DSC2: variants seen among roughly 807,000 people sequenced by gnomAD.
DSC2 encodes the protein desmocollin-2.
A neutral mutation model predicts 87.6 loss-of-function variants in DSC2; 51 were observed. That is an observed-to-expected ratio of 0.58 (90% CI 0.46 to 0.74). DSC2 has a LOEUF of 0.74. DSC2 is among the 30% of genes least tolerant of loss of function. The pLI is 0.00. For missense variants in DSC2, 1,066 were observed against 1,089.5 expected, an observed-to-expected ratio of 0.98 and a Z score of 0.30; for synonymous variants, 383 against 393.2, an observed-to-expected ratio of 0.97 and a Z score of 0.31.
rs1986501480 is a variant in DSC2 at position 31,061,545 on chromosome 18, A to G, written c.*6470T>C. On this transcript the variant is annotated 3_prime_UTR_variant, in exon 16 of 16. Coordinates refer to ENST00000280904, the MANE Select transcript of DSC2 (RefSeq NM_024422.6). Reference sequence around the variant, plus strand: ...ATGCTCCAAATCCATGACACAGTAAAATTCCTCTATAAAACAAGATTTAGG... The same window carrying G: ...ATGCTCCAAATCCATGACACAGTAAGATTCCTCTATAAAACAAGATTTAGG... 1.3e-5 allele frequency: 2 copies of G among 152,132 alleles called. No homozygotes were observed. Among genetic ancestry groups the G allele is most frequent in the Admixed American group, 1.3e-4 (2 of 15,278 alleles). The allele number at this position is 152,132 out of a possible 1,614,324, so 9.4% of individuals were successfully genotyped here. A position where few individuals can be genotyped will look rare whatever the true frequency, so the allele number is the denominator to read the frequency against.
intron 1 of DSC2, among the ~76,000 whole-genome samples, chr18:31,097,500 A>G (rs572977967): frequency 6.6e-6 from 1 of 151,768 alleles, no homozygotes; most frequent in East Asian, 1.9e-4. Context: ...TTTGATACCA[A>G]TAAAAACCTC....
chr18:31,102,288 G>A lies in DSC2; in HGVS notation c.-317C>T, dbSNP rs377738553. On this transcript the variant is annotated 5_prime_UTR_variant, in exon 1 of 16. Coordinates refer to ENST00000280904, the MANE Select transcript of DSC2 (RefSeq NM_024422.6). Reference sequence around the variant, plus strand: ...CCACGGGTGGGAACTCCCTCTCGCCGCCACCCTTTTACCTGCGCAAGGTGT... The same window carrying A: ...CCACGGGTGGGAACTCCCTCTCGCCACCACCCTTTTACCTGCGCAAGGTGT... The A allele has an allele frequency of 1.0e-5, 3 of 294,316 alleles. No homozygotes were observed. Among genetic ancestry groups the A allele is most frequent in the East Asian group, 5.8e-5 (1 of 17,282 alleles). 18.2% of individuals were successfully genotyped at this position (294,316 alleles called of 1,614,324 possible).
rs919502720 is a variant in DSC2 at position 31,080,258 on chromosome 18, A to G, written c.1358T>C (p.Met453Thr). 1.2e-6 allele frequency: 2 copies of G among 1,613,918 alleles called. No individual in the cohort carries two copies. The highest frequency in any genetic ancestry group is 1.3e-5 in the African/African-American group (1 of 74,884). The change falls in exon 10 of 16, where the codon ATG (methionine) becomes ACG (threonine). Residue 453 changes from methionine to threonine, a missense_variant. Met to Thr is a moderately conservative substitution (Grantham distance 81). Coordinates refer to ENST00000280904, the MANE Select transcript of DSC2 (RefSeq NM_024422.6). ...ATTAACAGTAACTGTTGCTGTGCTC[A>G]TGGCTGATCTTGGACTAGCCTCTCT... ...FSREASPRSAMSTATVTVNVE... is the reference protein window; with the variant it reads ...FSREASPRSATSTATVTVNVE...
intron 9 of DSC2, 105 bp downstream of exon 9, chr18:31,082,133 A>G (rs1987240052): frequency 8.7e-6 from 9 of 1,029,864 alleles, no homozygotes; most frequent in Non-Finnish European, 1.4e-6. Context: ...TTACTTATAT[A>G]CCTATTTTAT....
At chr18:31,082,541 C>G in intron 8 of DSC2, 118 bp from the exon 9 acceptor site, 1 of 937,146 alleles carries the variant, frequency 1.1e-6, no homozygotes, top group African/African-American at 1.6e-5. Context: ...TGATTTGAAA[C>G]CCTAGCACTA....
rs1987166340 is a variant in DSC2 at position 31,080,198 on chromosome 18, G to A, written c.1418C>T (p.Pro473Leu). Reference sequence around the variant, plus strand: ...TTTCATGCGAACAGTCTGTATTGGAGGGTTACACTCAGGGCCCTCATCCTG... The same window carrying A: ...TTTCATGCGAACAGTCTGTATTGGAAGGTTACACTCAGGGCCCTCATCCTG... ...EDQDEGPECN[P>L]PIQTVRMKEN... Residue 473 changes from proline to leucine, a missense_variant, in exon 10 of 16, where the codon CCT (proline) becomes CTT (leucine). Coordinates refer to ENST00000280904, the MANE Select transcript of DSC2 (RefSeq NM_024422.6). 6.2e-7 allele frequency: 1 copy of A among 1,614,052 alleles called. No individual in the cohort carries two copies. Among genetic ancestry groups the A allele is most frequent in the Non-Finnish European group, 8.5e-7 (1 of 1,180,020 alleles).
rs1032824145 is a variant in DSC2, at chr18:31,059,123, C to T, written c.*8892G>A. 2 of 152,080 alleles carry T rather than the reference C, an allele frequency of 1.3e-5. No homozygotes were observed. The highest frequency in any genetic ancestry group is 2.9e-5 in the Non-Finnish European group (2 of 68,014). The allele number at this position is 152,080 out of a possible 1,614,324, so 9.4% of individuals were successfully genotyped here. A position where few individuals can be genotyped will look rare whatever the true frequency, so the allele number is the denominator to read the frequency against. The stretch of plus-strand genomic sequence containing the variant: ...CCAAAGTTCAGGCTCTATCCCAGAC[C>T]GCTCTGTTAGGTTGCATGGAGAATG... On this transcript the variant is annotated 3_prime_UTR_variant, in exon 16 of 16. Transcript: ENST00000280904.
intron 11 of DSC2, among the ~76,000 whole-genome samples, chr18:31,076,365 G>C (rs573157024): frequency 1.3e-5 from 2 of 152,216 alleles, no homozygotes; most frequent in South Asian, 4.2e-4. Flanking sequence ...AAGTGGGAGA[G>C]AGGGAAAAAA....
At chr18:31,093,866 TTA>T (rs1167422049) in intron 1 of DSC2, among the ~76,000 whole-genome samples, 5 of 150,204 alleles carry the variant, frequency 3.3e-5, no homozygotes, top group Non-Finnish European at 5.9e-5. Flanking sequence ...TATATGTGAT[TTA>T]TGTTATTATA....
At chr18:31,091,502 T>C (rs1211612603) in intron 3 of DSC2, 2 of 466,284 alleles carry the variant, frequency 4.3e-6, no homozygotes, top group Admixed American at 4.7e-5. Flanking sequence ...TGTGCCCTTC[T>C]AAATTTAGCA....
At chr18:31,080,727 G>A (rs1489701618) in intron 9 of DSC2, among the ~76,000 whole-genome samples, 1 of 152,072 alleles carries the variant, frequency 6.6e-6, no homozygotes, top group African/African-American at 2.4e-5. Context: ...TTTGCCTTCC[G>A]CCATGATTAT....
intron 3 of DSC2, chr18:31,091,563 G>C (rs1278100156): frequency 4.4e-6 from 2 of 459,400 alleles, no homozygotes; most frequent in South Asian, 1.5e-5. Flanking sequence ...AACCAACAGA[G>C]AGATCTGTGT....
chr18:31,090,893 A>G (rs1987570513), intron 4 of DSC2, 135 bp downstream of exon 4: 3 of 1,295,100 alleles, frequency 2.3e-6, no homozygotes, highest in Non-Finnish European at 3.2e-6. Context: ...ATACCCTTAT[A>G]TGGAAACATA....
At chr18:31,088,023 C>T (rs953372028) in intron 5 of DSC2, among the ~76,000 whole-genome samples, 1 of 152,112 alleles carries the variant, frequency 6.6e-6, no homozygotes, top group Admixed American at 6.5e-5. Flanking sequence ...TTAAATTTAT[C>T]TCTTTAAATT....
At chr18:31,082,482 G>T in intron 8 of DSC2, 59 bp from the exon 9 acceptor site, 1 of 1,432,526 alleles carries the variant, frequency 7.0e-7, no homozygotes, top group South Asian at 1.2e-5. Flanking sequence ...AATTGAACAC[G>T]ATGTGAAGTA....
Position 31,092,255 on chromosome 18 carries a change from C to T in DSC2, c.200G>A (p.Ser67Asn), listed in dbSNP as rs374613780. The T allele has an allele frequency of 1.2e-6, 2 of 1,613,590 alleles. No homozygotes were observed. The highest frequency in any genetic ancestry group is 2.7e-5 in the African/African-American group (2 of 74,880). ...CFTAANLIHSSDPDFQILEDG... is the reference protein window; with the variant it reads ...CFTAANLIHSNDPDFQILEDG... ...CTCCAAAATTTGGAAGTCAGGATCA[C>T]TTGAATGAATTAGATTTGCAGCTGT... Residue 67 changes from serine (S) to asparagine (N), a missense_variant, in exon 3 of 16, where the codon AGT (serine) becomes AAT (asparagine). Physicochemically the swap from Ser to Asn is conservative, Grantham distance 46. Transcript: ENST00000280904.
rs999869714 is a variant in DSC2, at chr18:31,082,946, G to T, written c.1057C>A (p.Pro353Thr). The change falls in exon 8 of 16, where the codon CCA (proline) becomes ACA (threonine). Residue 353 changes from proline (P) to threonine (T), a missense_variant. Pro to Thr is a conservative substitution (Grantham distance 38). Transcript: ENST00000280904. ...INIDDVNDHL[P>T]TFTRTSYVTS... is the part of the protein sequence containing the mutation. ...CTTACAGAAGTACGAGTAAATGTTGGCAAGTGGTCATTTACATCATCAATG... is the reference window on the plus strand; with the variant it reads ...CTTACAGAAGTACGAGTAAATGTTGTCAAGTGGTCATTTACATCATCAATG... 55 of 1,613,306 alleles carry T rather than the reference G, an allele frequency of 3.4e-5. No individual in the cohort carries two copies. The highest frequency in any genetic ancestry group is 4.4e-5 in the Non-Finnish European group (52 of 1,179,884).
chr18:31,071,874 T>C (rs780224772), intron 12 of DSC2, 33 bp from the exon 13 acceptor site: 7 of 1,542,672 alleles, frequency 4.5e-6, no homozygotes, highest in East Asian at 2.3e-5. Context: ...CCAAACATTA[T>C]ACAATGTCAC....
At chr18:31,070,921 T>C in intron 13 of DSC2, 71 bp from the exon 14 acceptor site, 1 of 1,536,826 alleles carries the variant, frequency 6.5e-7, no homozygotes, top group Non-Finnish European at 9.0e-7. Flanking sequence ...CAATGGTTAA[T>C]ACACACATAA....
Sources: allele counts gnomAD v4.1 joint callset (sites outside exome capture counted in the v4.1 genomes callset), GRCh38; gene constraint gnomAD v4.1.1; transcripts MANE v1.5; gene names NCBI Gene and HGNC (gene_info 2026-07-23, HGNC 2026-07-21).